Variants in SLC35F5 observed in about 807,000 individuals in gnomAD.
The protein encoded by SLC35F5 is HCV NS5A-transactivated protein 3.
In SLC35F5, 54 loss-of-function variants were observed where a neutral mutation model predicts 68.6. The observed-to-expected ratio is 0.79, with a 90% CI of 0.63 to 0.99. The LOEUF (loss-of-function observed/expected upper bound fraction) is 0.99. Among genes scored for constraint, SLC35F5 ranks in the 50% least tolerant of loss-of-function variants. The pLI is 0.00. For missense variants in SLC35F5, 567 were observed against 626.9 expected (o/e 0.90, Z 1.02); for synonymous variants, 211 against 205.2 (o/e 1.03, Z -0.24).
intron 14 of SLC35F5, 23 bp downstream of exon 14, chr2:113,719,131 A>G: frequency 6.3e-7 from 1 of 1,584,654 alleles, no homozygotes; most frequent in Non-Finnish European, 8.5e-7. Context: ...ATTTTTAAAA[A>G]TGTGTATTGG....
rs1490520157 is a variant in SLC35F5 at position 113,708,530 on chromosome 2, C to A, written c.*6688G>T. 6.6e-6 allele frequency among the ~76,000 whole-genome samples: 1 copy of A among 151,994 alleles called. No individual in the cohort carries two copies. The highest frequency in any genetic ancestry group is 1.9e-4 in the East Asian group (1 of 5,172). ...GACCAACCTGGCCAACATGGTAAAA[C>A]CTCCTCTCTACTATAAATACAAAAA... is the stretch of plus-strand genomic sequence containing the variant. On this transcript the variant is annotated 3_prime_UTR_variant, in exon 16 of 16. Transcript: ENST00000245680.
At chr2:113,740,570 C>T (rs1676222365) in intron 7 of SLC35F5, among the ~76,000 whole-genome samples, 1 of 152,108 alleles carries the variant, frequency 6.6e-6, no homozygotes, top group South Asian at 2.1e-4. Flanking sequence ...CAGTTAATGG[C>T]ATAAAGTACA....
intron 9 of SLC35F5, among the ~76,000 whole-genome samples, chr2:113,734,104 TA>T (rs1294010189): frequency 6.6e-6 from 1 of 152,238 alleles, no homozygotes; most frequent in Non-Finnish European, 1.5e-5. Flanking sequence ...GCAACACTCA[TA>T]TTATGCAGTA....
Position 113,717,761 on chromosome 2 carries a change from C to T in SLC35F5, c.*14G>A. On this transcript the variant is annotated 3_prime_UTR_variant, in exon 15 of 16. Coordinates refer to ENST00000245680, the MANE Select transcript of SLC35F5 (RefSeq NM_025181.5). Reference sequence around the variant, plus strand: ...CCAGCTCACATACAAACCTGGGCTACAGACAACAGACAGCTAACTAGCTCC... The same window carrying T: ...CCAGCTCACATACAAACCTGGGCTATAGACAACAGACAGCTAACTAGCTCC... 1 of 1,606,320 alleles carries T rather than the reference C, an allele frequency of 6.2e-7. No individual in the cohort carries two copies. The highest frequency in any genetic ancestry group is 8.5e-7 in the Non-Finnish European group (1 of 1,175,892).
intron 11 of SLC35F5, 88 bp downstream of exon 11, chr2:113,729,313 G>C: frequency 1.6e-6 from 1 of 626,682 alleles, no homozygotes; most frequent in Non-Finnish European, 2.8e-6. Context: ...GAAAAAAAAA[G>C]GCTTCCCTAT....
In SLC35F5 at chr2:113,734,647, C is replaced by A; in HGVS notation, c.859G>T (p.Val287Leu). 6.2e-7 allele frequency: 1 copy of A among 1,605,908 alleles called. No homozygotes were observed. The highest frequency in any genetic ancestry group is 1.7e-5 in the Admixed American group (1 of 59,476). ...SGLFTLILAA[V>L]FPSNSGDRFT... Reference sequence around the variant, plus strand: ...CTATCTCCACTGTTACTTGGAAATACTGCAGCAAGGATTAAGGTAAAAAGT... The same window carrying A: ...CTATCTCCACTGTTACTTGGAAATAATGCAGCAAGGATTAAGGTAAAAAGT... The change falls in exon 9 of 16, where the codon GTA becomes TTA. Residue 287 changes from valine to leucine, a missense_variant. Val to Leu is a conservative substitution (Grantham distance 32). Coordinates refer to ENST00000245680, the MANE Select transcript of SLC35F5 (RefSeq NM_025181.5).
At chr2:113,705,376 ACC>A (rs1686776149), downstream of SLC35F5, 1 of 152,230 alleles carries the variant, frequency 6.6e-6, no homozygotes, top group South Asian at 2.1e-4. Flanking sequence ...ACATGGTGAA[ACC>A]CCGTCTCTAC....
intron 9 of SLC35F5, among the ~76,000 whole-genome samples, chr2:113,732,037 A>G (rs1217233554): frequency 1.3e-5 from 2 of 152,206 alleles, no homozygotes; most frequent in Non-Finnish European, 1.5e-5. Context: ...CTTTCAGTTA[A>G]GAATGAATTA....
chr2:113,742,726 T>C lies in SLC35F5; in HGVS notation c.716A>G (p.Gln239Arg). ...AAAAAAAAAGCTAATTTTCGCTACT[T>C]GAGTTGCAGTAAGTTTCCCCACAGT... ...LKTVGKLTAT[Q>R]VAKISFFFCF... Residue 239 changes from glutamine (Q) to arginine (R), a missense_variant, in exon 7 of 16, where the codon CAA (glutamine) becomes CGA (arginine). Coordinates refer to ENST00000245680, the MANE Select transcript of SLC35F5 (RefSeq NM_025181.5). The C allele has an allele frequency of 1.2e-6, 2 of 1,614,128 alleles. No individual in the cohort carries two copies. Among genetic ancestry groups the C allele is most frequent in the Non-Finnish European group, 1.7e-6 (2 of 1,180,008 alleles).
intron 7 of SLC35F5, among the ~76,000 whole-genome samples, chr2:113,738,064 A>G (rs1688156682): frequency 6.6e-6 from 1 of 151,318 alleles, no homozygotes. Context: ...CAAATTAATG[A>G]GCACATCCAT....
At chr2:113,703,386 A>T (rs1390257825), downstream of SLC35F5, among the ~76,000 whole-genome samples, 2 of 152,248 alleles carry the variant, frequency 1.3e-5, no homozygotes, top group African/African-American at 4.8e-5. Context: ...GCGTAGGAAA[A>T]ATGTATTTCC....
intron 6 of SLC35F5, 117 bp from the exon 7 acceptor site, chr2:113,742,996 A>G: frequency 1.0e-6 from 1 of 983,372 alleles, no homozygotes. Context: ...AGACAGTCAA[A>G]GTAAACCAAA....
At chr2:113,737,558 T>C (rs1392242007) in intron 7 of SLC35F5, among the ~76,000 whole-genome samples, 2 of 152,158 alleles carry the variant, frequency 1.3e-5, no homozygotes, top group African/African-American at 2.4e-5. Context: ...GCTCACAGAG[T>C]GATTATTAGC....
At chr2:113,742,600 G>T in intron 7 of SLC35F5, 92 bp downstream of exon 7, 4 of 1,273,900 alleles carry the variant, frequency 3.1e-6, no homozygotes, top group South Asian at 2.6e-5. Flanking sequence ...CAACCTAATT[G>T]TCTCACACTT....
chr2:113,723,318 T>C (rs1687527623), intron 12 of SLC35F5, 124 bp from the exon 13 acceptor site: 1 of 452,102 alleles, frequency 2.2e-6, no homozygotes, highest in South Asian at 9.1e-5. Context: ...GAGGCTAGGA[T>C]GGATTGAAAC....
chr2:113,734,605 G>A lies in SLC35F5; in HGVS notation c.901C>T (p.Leu301=). Residue 301 remains leucine (L), a synonymous_variant, in exon 9 of 16, where the codon CTA becomes TTA. Coordinates refer to ENST00000245680, the MANE Select transcript of SLC35F5 (RefSeq NM_025181.5). ...NSGDRFTLSK[L]LAVILSIGGV... is the part of the protein sequence containing the mutation. ...GCTTACCTTAAAATTACAGCTAATA[G>A]TTTAGAAAGGGTAAATCTATCTCCA... 6.3e-7 allele frequency: 1 copy of A among 1,595,594 alleles called. No individual in the cohort carries two copies.
At chr2:113,740,176 A>T (rs181578304) in intron 7 of SLC35F5, among the ~76,000 whole-genome samples, 2 of 152,288 alleles carry the variant, frequency 1.3e-5, no homozygotes, top group East Asian at 3.9e-4. Flanking sequence ...AAGAGTAAAA[A>T]GATAAGAGCC....
intron 8 of SLC35F5, 142 bp from the exon 9 acceptor site, chr2:113,734,815 G>A: frequency 1.7e-6 from 1 of 602,174 alleles, no homozygotes; most frequent in Non-Finnish European, 3.0e-6. Context: ...GAAAATGACT[G>A]CAGTTAAGTA....
chr2:113,731,653 G>A lies in SLC35F5; in HGVS notation c.921-5C>T, dbSNP rs375947506. The A allele has an allele frequency of 1.5e-4, 242 of 1,609,946 alleles. No individual in the cohort carries two copies. Among genetic ancestry groups the A allele is most frequent in the Non-Finnish European group, 2.0e-4 (232 of 1,176,680 alleles). On this transcript the variant is annotated splice_region_variant and splice_polypyrimidine_tract_variant and intron_variant, in intron 9 of 15. Transcript: ENST00000245680. ...ACCAGTACAACGCCTCCAATGCTAT[G>A]AGAATAACAGTCATTAATGATGAGC... is the stretch of plus-strand genomic sequence containing the variant.
Sources: allele counts gnomAD v4.1 joint callset (sites outside exome capture counted in the v4.1 genomes callset), GRCh38; gene constraint gnomAD v4.1.1; transcripts MANE v1.5; gene names NCBI Gene and HGNC (gene_info 2026-07-23, HGNC 2026-07-21).